RPL22L1: variants seen among roughly 807,000 people sequenced by gnomAD.
RPL22L1 encodes ribosomal protein eL22-like.
In RPL22L1, 19 loss-of-function variants were observed where a neutral mutation model predicts 17.3. The observed-to-expected ratio is 1.10, with a 90% CI of 0.77 to 1.61. RPL22L1 has a LOEUF of 1.61. Among genes scored for constraint, RPL22L1 ranks in the 40% most tolerant of loss-of-function variants. RPL22L1 has a pLI of 0.00. For missense variants in RPL22L1, 139 were observed against 144.4 expected (o/e 0.96, Z 0.19); for synonymous variants, 48 against 48.5 (o/e 0.99, Z 0.05).
At position 170,865,432 on chromosome 3, in the gene RPL22L1, A is replaced by C. The variant is rs547566372; in HGVS notation, c.*948T>G. The C allele has an allele frequency of 7.9e-5, 12 of 152,304 alleles. No homozygotes were observed. The highest frequency in any genetic ancestry group is 2.9e-4 in the African/African-American group (12 of 41,560). The allele number at this position is 152,304 out of a possible 1,614,324, so 9.4% of individuals were successfully genotyped here. A position where few individuals can be genotyped will look rare whatever the true frequency, so the allele number is the denominator to read the frequency against. On this transcript the variant is annotated 3_prime_UTR_variant, in exon 4 of 4. Coordinates refer to ENST00000295830, the MANE Select transcript of RPL22L1 (RefSeq NM_001099645.2). Reference sequence around the variant, plus strand: ...AAACCATTTCGATTAGAGCTTTCAAAGGCCAGTTTATTCGGGAGAAAGGGT... The same window carrying C: ...AAACCATTTCGATTAGAGCTTTCAACGGCCAGTTTATTCGGGAGAAAGGGT...
At chr3:170,869,098 C>A (rs1210526336) in intron 1 of RPL22L1, among the ~76,000 whole-genome samples, 3 of 138,616 alleles carry the variant, frequency 2.2e-5, no homozygotes, top group African/African-American at 5.4e-5. Context: ...CCCACCTGGG[C>A]AACAGACTCT....
At position 170,870,164 on chromosome 3, in the gene RPL22L1, C is replaced by T. The variant is rs755179925; in HGVS notation, c.4G>A (p.Ala2Thr). 3 of 1,613,864 alleles carry T rather than the reference C, an allele frequency of 1.9e-6. No individual in the cohort carries two copies. The highest frequency in any genetic ancestry group is 1.1e-5 in the South Asian group (1 of 91,076). The change falls in exon 1 of 4, where the codon GCG (alanine) becomes ACG (threonine). Residue 2 changes from alanine (A) to threonine (T), a missense_variant. Physicochemically the swap from Ala to Thr is moderately conservative, Grantham distance 58. Transcript: ENST00000295830. M[A>T]PQKDRKPKRS... ...CCAAGACATCGCTCACTCACCGGCG[C>T]CATCTTGCGAGTCGGCCGCGAGAGC...
chr3:170,869,128 A>C (rs13098733), intron 1 of RPL22L1, among the ~76,000 whole-genome samples: 2 of 148,042 alleles, frequency 1.4e-5, no homozygotes, highest in Non-Finnish European at 3.0e-5. Context: ...AAAAAAAAAA[A>C]CCTAAAAACC....
rs902732252 is a variant in RPL22L1, at chr3:170,866,089, A to G, written c.*291T>C. 5.3e-6 allele frequency: 1 copy of G among 187,452 alleles called. No homozygotes were observed. The highest frequency in any genetic ancestry group is 5.8e-5 in the Admixed American group (1 of 17,130). 11.6% of individuals were successfully genotyped at this position (187,452 alleles called of 1,614,324 possible). Reference sequence around the variant, plus strand: ...GCACTCCAGCCTGGGTGACAGAACGAGAGTGTCTAAAAAAAAGATTTCCTA... The same window carrying G: ...GCACTCCAGCCTGGGTGACAGAACGGGAGTGTCTAAAAAAAAGATTTCCTA... On this transcript the variant is annotated 3_prime_UTR_variant, in exon 4 of 4. Coordinates refer to ENST00000295830, the MANE Select transcript of RPL22L1 (RefSeq NM_001099645.2).
intron 1 of RPL22L1, chr3:170,869,832 G>A: frequency 2.2e-6 from 1 of 458,040 alleles, no homozygotes; most frequent in South Asian, 1.8e-5. Flanking sequence ...AGCATTATCA[G>A]GCGCGAGATA....
intron 3 of RPL22L1, 138 bp from the exon 4 acceptor site, chr3:170,866,662 C>G: frequency 1.6e-6 from 1 of 619,888 alleles, no homozygotes; most frequent in Non-Finnish European, 2.8e-6. Flanking sequence ...CTTCCATTCA[C>G]AGGATGTATT....
chr3:170,866,547 T>C (rs896774777), intron 3 of RPL22L1, 23 bp from the exon 4 acceptor site: 5 of 1,496,574 alleles, frequency 3.3e-6, no homozygotes, highest in East Asian at 2.5e-5. Flanking sequence ...AAACATAAAT[T>C]TCATTAAGAA....
In RPL22L1 at chr3:170,866,397, A is replaced by G. The variant is rs1419305098; in HGVS notation, c.352T>C (p.Ser118Pro). The G allele has an allele frequency of 1.2e-6, 2 of 1,605,950 alleles. No individual in the cohort carries two copies. The highest frequency in any genetic ancestry group is 1.7e-5 in the Admixed American group (1 of 59,182). Residue 118 changes from serine (S) to proline (P), a missense_variant, in exon 4 of 4, where the codon TCA (serine) becomes CCA (proline). Coordinates refer to ENST00000295830, the MANE Select transcript of RPL22L1 (RefSeq NM_001099645.2). ...YFQISQDEDE[S>P]ESED ...GCCTTTGCCTAGTCCTCCGACTCTG[A>G]TTCATCTTCATCTTGACTAATCTGG...
intron 1 of RPL22L1, among the ~76,000 whole-genome samples, chr3:170,869,646 T>A (rs912832637): frequency 1.3e-5 from 2 of 152,108 alleles, no homozygotes; most frequent in African/African-American, 4.8e-5. Context: ...AATCTAGACT[T>A]ATACTTTTCT....
rs777051933 is a variant in RPL22L1 at position 170,870,173 on chromosome 3, G to A, written c.-6C>T. 1.9e-6 allele frequency: 3 copies of A among 1,613,736 alleles called. No individual in the cohort carries two copies. Among genetic ancestry groups the A allele is most frequent in the East Asian group, 4.5e-5 (2 of 44,858 alleles). ...CGCTCACTCACCGGCGCCATCTTGCGAGTCGGCCGCGAGAGCAGAGAGGAA... is the reference window on the plus strand; with the variant it reads ...CGCTCACTCACCGGCGCCATCTTGCAAGTCGGCCGCGAGAGCAGAGAGGAA... On this transcript the variant is annotated 5_prime_UTR_variant, in exon 1 of 4. Coordinates refer to ENST00000295830, the MANE Select transcript of RPL22L1 (RefSeq NM_001099645.2).
chr3:170,867,888 T>C (rs1576775248), intron 3 of RPL22L1, 125 bp downstream of exon 3: 1 of 778,628 alleles, frequency 1.3e-6, no homozygotes, highest in Non-Finnish European at 2.0e-6. Context: ...TTCCCATTTA[T>C]GTAGGCCTTT....
chr3:170,868,524 T>G, intron 1 of RPL22L1, 134 bp from the exon 2 acceptor site: 1 of 562,796 alleles, frequency 1.8e-6, no homozygotes. Flanking sequence ...TAACAATAAA[T>G]AAAAAAACAC....
intron 3 of RPL22L1, among the ~76,000 whole-genome samples, chr3:170,866,904 T>C (rs1410709372): frequency 6.6e-6 from 1 of 152,172 alleles, no homozygotes; most frequent in Non-Finnish European, 1.5e-5. Context: ...AGGCAACCTA[T>C]TAATAATAGG....
chr3:170,870,060 T>C, intron 1 of RPL22L1, 99 bp downstream of exon 1: 1 of 1,564,224 alleles, frequency 6.4e-7, no homozygotes, highest in Non-Finnish European at 8.8e-7. Context: ...CCTCCCTTTA[T>C]CTTGACTGAG....
At chr3:170,868,657 G>C (rs888163012) in intron 1 of RPL22L1, among the ~76,000 whole-genome samples, 2 of 152,026 alleles carry the variant, frequency 1.3e-5, no homozygotes, top group East Asian at 3.9e-4. Flanking sequence ...AAATTATCGT[G>C]CTTTTCTGCC....
At position 170,865,506 on chromosome 3, in the gene RPL22L1, T is replaced by G. The variant is rs1305292508; in HGVS notation, c.*874A>C. 3 of 152,082 alleles carry G rather than the reference T, an allele frequency of 2.0e-5. No homozygotes were observed. Among genetic ancestry groups the G allele is most frequent in the African/African-American group, 7.2e-5 (3 of 41,392 alleles). 9.4% of individuals were successfully genotyped at this position (152,082 alleles called of 1,614,324 possible). A position where few individuals can be genotyped will look rare whatever the true frequency, so the allele number is the denominator to read the frequency against. On this transcript the variant is annotated 3_prime_UTR_variant, in exon 4 of 4. Transcript: ENST00000295830. ...GACAACCAACACGCCGGTGTTGGGG[T>G]AGGGGCTTTTGAGAAAGAGATGAGG... is the stretch of plus-strand genomic sequence containing the variant.
Position 170,865,158 on chromosome 3 carries a change from G to A in RPL22L1, c.*1222C>T, listed in dbSNP as rs1711692509. On this transcript the variant is annotated 3_prime_UTR_variant, in exon 4 of 4. Coordinates refer to ENST00000295830, the MANE Select transcript of RPL22L1 (RefSeq NM_001099645.2). ...GAGTTGCTGCACTGAGGTATTGCAC[G>A]ATGATGGGGGCACTTAAATTTTTAG... The A allele has an allele frequency of 6.6e-6, 1 of 152,220 alleles. No individual in the cohort carries two copies. Among genetic ancestry groups the A allele is most frequent in the South Asian group, 2.1e-4 (1 of 4,830 alleles). 9.4% of individuals were successfully genotyped at this position (152,220 alleles called of 1,614,324 possible).
chr3:170,866,733 T>G (rs1711784594), intron 3 of RPL22L1, among the ~76,000 whole-genome samples: 1 of 152,164 alleles, frequency 6.6e-6, no homozygotes, highest in South Asian at 2.1e-4. Context: ...TTGTTCAAGA[T>G]TGTTAGGGTA....
At chr3:170,867,989 A>C (rs1322196492) in intron 3 of RPL22L1, 24 bp downstream of exon 3, 31 of 1,542,000 alleles carry the variant, frequency 2.0e-5, no homozygotes, top group African/African-American at 2.8e-5. Context: ...CTATAGTTTT[A>C]TTAAAATTTG....
Sources: allele counts gnomAD v4.1 joint callset (sites outside exome capture counted in the v4.1 genomes callset), GRCh38; gene constraint gnomAD v4.1.1; transcripts MANE v1.5; gene names NCBI Gene and HGNC (gene_info 2026-07-23, HGNC 2026-07-21).